The following TMEM131L variants were observed in gnomAD, a reference collection of about 807,000 sequenced individuals.
TMEM131L encodes the protein transmembrane protein 131-like.
Under a neutral mutation model 192.2 loss-of-function variants are expected in TMEM131L, and 54 were observed. The observed-to-expected ratio is 0.28, with a 90% CI of 0.23 to 0.35. The LOEUF (loss-of-function observed/expected upper bound fraction) is 0.35. Among genes scored for constraint, TMEM131L ranks in the 10% least tolerant of loss-of-function variants. TMEM131L has a pLI of 1.00. For missense variants in TMEM131L, 1,888 were observed against 1,972.9 expected, an observed-to-expected ratio of 0.96 and a Z score of 0.82; for synonymous variants, 701 against 704.9, an observed-to-expected ratio of 0.99 and a Z score of 0.09.
In TMEM131L at chr4:153,556,969, A is replaced by G; in HGVS notation, c.436A>G (p.Ile146Val). The change falls in exon 6 of 35, where the codon ATT becomes GTT. Residue 146 changes from isoleucine to valine, a missense_variant. Physicochemically the swap from Ile to Val is conservative, Grantham distance 29 (BLOSUM62 3). Transcript: ENST00000409959. ...TGACTGGGGACCTTTCTTTCAGGTA[A>G]TTCCAGCAATGGGGAAAACTTCCTT... ...FHVPPVPCRV[I>V]PAMGKTSFRI... 2 of 1,545,450 alleles carry G rather than the reference A, an allele frequency of 1.3e-6. No homozygotes were observed. The highest frequency in any genetic ancestry group is 1.4e-5 in the African/African-American group (1 of 73,160).
chr4:153,551,988 C>G (rs374800405), intron 4 of TMEM131L, among the ~76,000 whole-genome samples: 3 of 151,990 alleles, frequency 2.0e-5, no homozygotes, highest in African/African-American at 7.2e-5. Flanking sequence ...CTGGGCGGAT[C>G]ACTTGAGCTC....
intron 7 of TMEM131L, among the ~76,000 whole-genome samples, chr4:153,570,952 C>G (rs1330066795): frequency 6.6e-6 from 1 of 152,154 alleles, no homozygotes; most frequent in South Asian, 2.1e-4. Context: ...CCAGGACTTG[C>G]TTGTTCTCCA....
At chr4:153,501,713 T>C (rs1342033164) in intron 3 of TMEM131L, among the ~76,000 whole-genome samples, 1 of 152,092 alleles carries the variant, frequency 6.6e-6, no homozygotes, top group East Asian at 1.9e-4. Flanking sequence ...GTAACATAAA[T>C]GAGATAGAAG....
At chr4:153,577,022 C>A (rs575386881) in intron 7 of TMEM131L, among the ~76,000 whole-genome samples, 5 of 152,234 alleles carry the variant, frequency 3.3e-5, no homozygotes, top group Admixed American at 2.6e-4. Context: ...AGAAGTGTTA[C>A]AAAAGGTCAG....
chr4:153,606,967 T>G (rs6816085), intron 25 of TMEM131L, among the ~76,000 whole-genome samples: 6,256 of 152,274 alleles, frequency 0.041, 378 homozygotes, highest in African/African-American at 0.13. Flanking sequence ...GTTCTGACTG[T>G]TTTATGTTCA....
At chr4:153,622,149 G>T (rs1049304790) in intron 28 of TMEM131L, among the ~76,000 whole-genome samples, 1 of 152,136 alleles carries the variant, frequency 6.6e-6, no homozygotes, top group Non-Finnish European at 1.5e-5. Flanking sequence ...TTGGTGAAAG[G>T]GGGGAGTAGC....
At chr4:153,587,400 A>AT (rs1044894957) in intron 14 of TMEM131L, among the ~76,000 whole-genome samples, 32 of 150,634 alleles carry the variant, frequency 2.1e-4, no homozygotes, top group Admixed American at 8.6e-4. Flanking sequence ...TTAATTTTTA[A>AT]TTTTTTTTAC....
intron 3 of TMEM131L, among the ~76,000 whole-genome samples, chr4:153,482,374 T>C (rs1205434413): frequency 6.6e-6 from 1 of 152,182 alleles, no homozygotes; most frequent in Non-Finnish European, 1.5e-5. Context: ...CTTAATACAA[T>C]ACAGATTTTT....
At chr4:153,529,327 A>G (rs1735726722) in intron 3 of TMEM131L, among the ~76,000 whole-genome samples, 1 of 152,254 alleles carries the variant, frequency 6.6e-6, no homozygotes, top group African/African-American at 2.4e-5. Flanking sequence ...CCTTTTTACA[A>G]AAGAAATGAA....
chr4:153,587,699 A>G, intron 14 of TMEM131L, 43 bp from the exon 15 acceptor site: 1 of 1,358,746 alleles, frequency 7.4e-7, no homozygotes, highest in South Asian at 1.2e-5. Flanking sequence ...TTTTATGTTT[A>G]GTGCTGTGTT....
At chr4:153,577,299 T>A (rs1490432997) in intron 7 of TMEM131L, among the ~76,000 whole-genome samples, 2 of 151,546 alleles carry the variant, frequency 1.3e-5, no homozygotes, top group African/African-American at 4.9e-5. Context: ...CTTTGAAGAG[T>A]TTTAAGCAAA....
At chr4:153,572,562 C>T (rs1368803984) in intron 7 of TMEM131L, among the ~76,000 whole-genome samples, 2 of 152,062 alleles carry the variant, frequency 1.3e-5, no homozygotes, top group Non-Finnish European at 1.5e-5. Context: ...AACTCCTGAA[C>T]TCAGGTAATC....
intron 14 of TMEM131L, 65 bp from the exon 15 acceptor site, chr4:153,587,677 G>A: frequency 8.6e-7 from 1 of 1,161,574 alleles, no homozygotes; most frequent in Admixed American, 1.7e-5. Context: ...TTGAATTTTA[G>A]TGCATTAGAA....
At chr4:153,491,745 C>T (rs1732797403) in intron 3 of TMEM131L, among the ~76,000 whole-genome samples, 1 of 151,990 alleles carries the variant, frequency 6.6e-6, no homozygotes, top group Non-Finnish European at 1.5e-5. Flanking sequence ...CTGGTTCTGT[C>T]ACCCAGGCTG....
At chr4:153,475,614 T>C (rs1389547353) in intron 3 of TMEM131L, among the ~76,000 whole-genome samples, 1 of 152,188 alleles carries the variant, frequency 6.6e-6, no homozygotes, top group African/African-American at 2.4e-5. Context: ...ATCAATTGTA[T>C]GCAGTCGGCC....
intron 3 of TMEM131L, among the ~76,000 whole-genome samples, chr4:153,493,420 G>A (rs913634069): frequency 1.3e-5 from 2 of 151,550 alleles, no homozygotes; most frequent in Non-Finnish European, 2.9e-5. Flanking sequence ...CAGCACTTTG[G>A]GAGGCCAAGG....
chr4:153,613,261 G>A (rs1039664075), intron 26 of TMEM131L, among the ~76,000 whole-genome samples: 23 of 152,272 alleles, frequency 1.5e-4, no homozygotes, highest in Admixed American at 1.2e-3. Context: ...TCTTGTTGAG[G>A]TTTCAATCCA....
In TMEM131L at chr4:153,505,187, A is replaced by G. The variant is rs373004384; in HGVS notation, c.239+31299A>G. 3.1e-4 allele frequency among the ~76,000 whole-genome samples: 46 copies of G among 150,748 alleles called. No homozygotes were observed. The East Asian group carries it at 8.8e-3, about 29-fold the overall frequency. ...AACAGCACAATCTCGGCTCACTGCAACCTCTGCCTTCCGGGTTCAAGTGAT... is the reference window on the plus strand; with the variant it reads ...AACAGCACAATCTCGGCTCACTGCAGCCTCTGCCTTCCGGGTTCAAGTGAT... On this transcript the variant is annotated intron_variant, in intron 3 of 34. Transcript: ENST00000409959.
intron 7 of TMEM131L, among the ~76,000 whole-genome samples, chr4:153,560,638 G>T (rs1389540111): frequency 6.6e-6 from 1 of 152,030 alleles, no homozygotes; most frequent in East Asian, 1.9e-4. Context: ...CTAAAGATTT[G>T]TCTATTTTGA....
Sources: gnomAD v4.1 joint callset for allele counts (sites outside exome capture counted in the v4.1 genomes callset) on GRCh38, gnomAD v4.1.1 for gene constraint, MANE v1.5 for transcripts, NCBI Gene and HGNC (gene_info 2026-07-23, HGNC 2026-07-21) for gene names.